The following PSMD1 variants were observed in gnomAD, a reference collection of about 807,000 sequenced individuals.
The protein encoded by PSMD1 is 26S proteasome non-ATPase regulatory subunit 1.
A neutral mutation model predicts 119.0 loss-of-function variants in PSMD1; 18 were observed. The ratio of observed to expected loss-of-function variants is 0.15; its 90% confidence interval spans 0.10 to 0.22. The LOEUF (loss-of-function observed/expected upper bound fraction) is 0.22, where lower values mean the gene tolerates loss of function less well. Among genes scored for constraint, PSMD1 ranks in the 10% least tolerant of loss-of-function variants. The probability of loss-of-function intolerance (pLI) is 1.00; values close to 1 mark genes in which losing one functional copy is unlikely to be tolerated. For missense variants in PSMD1, 702 were observed against 1,158.5 expected, an observed-to-expected ratio of 0.61 and a Z score of 5.72; for synonymous variants, 374 against 396.6, an observed-to-expected ratio of 0.94 and a Z score of 0.68.
intron 16 of PSMD1, chr2:231,123,491 AG>A: frequency 6.2e-7 from 1 of 1,614,150 alleles, no homozygotes; most frequent in Middle Eastern, 1.7e-4. Context: ...GACATTAGAA[AG>A]TAATTAGTAG....
In PSMD1 at chr2:231,170,704, G is replaced by A; in HGVS notation, c.2854G>A (p.Asp952Asn). The A allele has an allele frequency of 6.2e-7, 1 of 1,610,668 alleles. No homozygotes were observed. The highest frequency in any genetic ancestry group is 8.5e-7 in the Non-Finnish European group (1 of 1,178,938). Residue 952 changes from aspartate to asparagine, a missense_variant, in exon 24 of 25, where the codon GAT (aspartate) becomes AAT (asparagine). Coordinates refer to ENST00000308696, the MANE Select transcript of PSMD1 (RefSeq NM_002807.4). This position sits in a 1 kb window ranked among gnomAD's most constrained non-coding sequence, Gnocchi z 4.1. Reference protein sequence around the residue: ...PEPPEPFEYIDD With the variant: ...PEPPEPFEYIND ...ACCCCCAGAACCATTTGAGTATATT[G>A]ATGATTAAGGGCCAGAGGTGCGTGT...
intron 16 of PSMD1, among the ~76,000 whole-genome samples, chr2:231,106,018 G>GTT (rs11296704): frequency 1.1e-4 from 14 of 124,602 alleles, no homozygotes; most frequent in Middle Eastern, 4.2e-3. Flanking sequence ...GAATAAAAAG[G>GTT]TTTTTTTTTT....
intron 4 of PSMD1, among the ~76,000 whole-genome samples, chr2:231,065,060 T>C (rs2125153848): frequency 6.7e-6 from 1 of 149,442 alleles, no homozygotes; most frequent in Middle Eastern, 3.4e-3. Flanking sequence ...TCCTTCAAGA[T>C]ATAGACCCAT....
At position 231,123,722 on chromosome 2, in the gene PSMD1, G is replaced by C; in HGVS notation, c.1884-15014G>C. The C allele has an allele frequency of 2.5e-6, 4 of 1,614,022 alleles. No individual in the cohort carries two copies. Among genetic ancestry groups the C allele is most frequent in the Non-Finnish European group, 3.4e-6 (4 of 1,179,922 alleles). On this transcript the variant is annotated intron_variant, in intron 16 of 24. Transcript: ENST00000308696. ...AAGGTGCTCTGCAAAATGTGCTCAGGAATTGTGCTTTGAAGTTCAGACACT... is the reference window on the plus strand; with the variant it reads ...AAGGTGCTCTGCAAAATGTGCTCAGCAATTGTGCTTTGAAGTTCAGACACT...
chr2:231,126,948 C>G (rs191372415), intron 16 of PSMD1, among the ~76,000 whole-genome samples: 2 of 152,088 alleles, frequency 1.3e-5, no homozygotes, highest in Admixed American at 1.3e-4. Context: ...TAAACCTGTG[C>G]TCTAAAACCC....
intron 19 of PSMD1, among the ~76,000 whole-genome samples, chr2:231,157,817 T>C (rs1023513797): frequency 2.0e-5 from 3 of 151,964 alleles, no homozygotes; most frequent in African/African-American, 7.2e-5. Flanking sequence ...TCCACCCACC[T>C]CGGCCTCCCA....
At chr2:231,159,281 G>A (rs148076707) in intron 19 of PSMD1, among the ~76,000 whole-genome samples, 2,464 of 152,184 alleles carry the variant, frequency 0.016, 31 homozygotes, top group Non-Finnish European at 0.022. Flanking sequence ...ACCATCTAGC[G>A]CATGGGCCAA....
chr2:231,080,720 T>G (rs1011343900), intron 12 of PSMD1, among the ~76,000 whole-genome samples: 2 of 152,228 alleles, frequency 1.3e-5, no homozygotes, highest in Non-Finnish European at 2.9e-5. Flanking sequence ...AAAAGCTTAC[T>G]AAGTAGCCCT....
intron 14 of PSMD1, 52 bp from the exon 15 acceptor site, chr2:231,084,966 GA>G: frequency 6.9e-7 from 1 of 1,442,822 alleles, no homozygotes; most frequent in Non-Finnish European, 9.7e-7. Context: ...TTAGACTGTA[GA>G]AGTTAACTGT....
intron 16 of PSMD1, among the ~76,000 whole-genome samples, chr2:231,088,280 A>G (rs1694504744): frequency 6.6e-6 from 1 of 152,180 alleles, no homozygotes; most frequent in Non-Finnish European, 1.5e-5. Context: ...TCTTCCAGTA[A>G]TTCATTACTG....
At chr2:231,110,820 G>C (rs1239788108) in intron 16 of PSMD1, among the ~76,000 whole-genome samples, 1 of 152,198 alleles carries the variant, frequency 6.6e-6, no homozygotes, top group African/African-American at 2.4e-5. Context: ...GTCTGTGGCT[G>C]CTTTTGTTCT....
At chr2:231,106,083 A>G (rs1045087489) in intron 16 of PSMD1, among the ~76,000 whole-genome samples, 1 of 150,540 alleles carries the variant, frequency 6.6e-6, no homozygotes. Flanking sequence ...CTAAGATAAG[A>G]CTATTAACTG....
At chr2:231,130,302 A>G (rs771773521) in intron 16 of PSMD1, among the ~76,000 whole-genome samples, 11 of 152,244 alleles carry the variant, frequency 7.2e-5, no homozygotes, top group Non-Finnish European at 1.6e-4. Context: ...TAAATAACAT[A>G]TCAAAACATG....
intron 16 of PSMD1, among the ~76,000 whole-genome samples, chr2:231,090,199 G>A (rs1694555428): frequency 1.3e-5 from 2 of 152,178 alleles, no homozygotes; most frequent in South Asian, 4.1e-4. Context: ...GTGGATCGAG[G>A]AGTAATTTTT....
At chr2:231,073,942 T>A (rs1354656967) in intron 7 of PSMD1, among the ~76,000 whole-genome samples, 1 of 152,146 alleles carries the variant, frequency 6.6e-6, no homozygotes, top group Admixed American at 6.5e-5. Context: ...TTTATTGGCA[T>A]CTTGGTCATC....
intron 16 of PSMD1, among the ~76,000 whole-genome samples, chr2:231,117,937 A>G (rs1695399901): frequency 1.3e-5 from 2 of 152,312 alleles, no homozygotes; most frequent in South Asian, 4.1e-4. Flanking sequence ...TTGGTTCTGT[A>G]TGCCAAATAT....
intron 20 of PSMD1, chr2:231,163,118 A>G (rs560082046): frequency 6.6e-6 from 1 of 152,258 alleles, no homozygotes; most frequent in African/African-American, 2.4e-5. Flanking sequence ...AAAAAAAGAA[A>G]GAAAGGAAAA....
chr2:231,067,183 C>T (rs1482904117), intron 5 of PSMD1, 72 bp downstream of exon 5: 7 of 1,168,832 alleles, frequency 6.0e-6, no homozygotes, highest in Non-Finnish European at 7.1e-6. Context: ...CAAACTGAAA[C>T]TTTCATAGGC....
intron 10 of PSMD1, 69 bp downstream of exon 10, chr2:231,078,816 GT>G: frequency 2.3e-6 from 1 of 438,522 alleles, no homozygotes; most frequent in Non-Finnish European, 3.0e-6. Flanking sequence ...TTTTTTTTTT[GT>G]GCAGTCTTAC....
Sources: allele counts gnomAD v4.1 joint callset (sites outside exome capture counted in the v4.1 genomes callset), GRCh38; gene constraint gnomAD v4.1.1; non-coding constraint Gnocchi (gnomAD v3.1); transcripts MANE v1.5; gene names NCBI Gene and HGNC (gene_info 2026-07-23, HGNC 2026-07-21).